The following PHACTR2 variants were observed in gnomAD, a reference collection of about 807,000 sequenced individuals.
PHACTR2 encodes the protein chromosome 6 open reading frame 56.
A neutral mutation model predicts 76.0 loss-of-function variants in PHACTR2; 30 were observed. The ratio of observed to expected loss-of-function variants is 0.39; its 90% CI spans 0.30 to 0.54. The LOEUF (loss-of-function observed/expected upper bound fraction) is 0.54, where lower values mean the gene tolerates loss of function less well. PHACTR2 is among the 20% of genes least tolerant of loss of function. PHACTR2 has a pLI of 0.61. For synonymous variants in PHACTR2, 292 were observed against 292.5 expected (o/e 1.00, Z 0.02); for missense variants, 696 against 781.1 (o/e 0.89, Z 1.30).
chr6:143,716,901 T>C (rs551933605), intron 2 of PHACTR2, among the ~76,000 whole-genome samples: 12 of 150,812 alleles, frequency 8.0e-5, no homozygotes, highest in African/African-American at 2.7e-4. Flanking sequence ...TCTGGGGACA[T>C]AGGTGGGCAG....
At position 143,825,123 on chromosome 6, in the gene PHACTR2, T is replaced by G. The variant is rs1315250425; in HGVS notation, c.*1434T>G. The G allele has an allele frequency of 6.6e-6, 1 of 152,654 alleles. No homozygotes were observed. The highest frequency in any genetic ancestry group is 2.4e-5 in the African/African-American group (1 of 41,472). The allele number at this position is 152,654 out of a possible 1,614,324, so 9.5% of individuals were successfully genotyped here. ...CTTGCATTTCATTGTTCTTCACAAG[T>G]GCTTTGTGCCCCTTTAATTAAAAAC... On this transcript the variant is annotated 3_prime_UTR_variant, in exon 13 of 13. Transcript: ENST00000440869. The surrounding 1 kb of genome is among the most constrained non-coding windows in gnomAD (Gnocchi z 4.1).
rs1308985046 is a variant in PHACTR2, at chr6:143,738,126, T to G, written c.215-10859T>G. 6.6e-6 allele frequency among the ~76,000 whole-genome samples: 1 copy of G among 152,126 alleles called. No homozygotes were observed. The highest frequency in any genetic ancestry group is 1.5e-5 in the Non-Finnish European group (1 of 68,026). On this transcript the variant is annotated intron_variant, in intron 2 of 12. Coordinates refer to ENST00000440869, the MANE Select transcript of PHACTR2 (RefSeq NM_001100164.2). This position sits in a 1 kb window ranked among gnomAD's most constrained non-coding sequence, Gnocchi z 4.0. ...AAATAGGCTTTTAAAGATTATACAT[T>G]TTTGGCCAGGCGCTGTGGCCCACGC... is the stretch of plus-strand genomic sequence containing the variant.
Position 143,627,400 on chromosome 6 carries a change from T to C in PHACTR2, c.13+19078T>C, listed in dbSNP as rs538736818. On this transcript the variant is annotated intron_variant, in intron 1 of 11. Coordinates refer to the PHACTR2 transcript ENST00000305766. This position sits in a 1 kb window ranked among gnomAD's most constrained non-coding sequence, Gnocchi z 4.3. ...TGTGGAACACAGATATTTTATACCA[T>C]TTAATTTCATAAATATTTATTGAGT... is the stretch of plus-strand genomic sequence containing the variant. Among the ~76,000 whole-genome samples the C allele has an allele frequency of 6.6e-6, 1 of 152,246 alleles. No individual in the cohort carries two copies.
At position 143,722,112 on chromosome 6, in the gene PHACTR2, C is replaced by T. The variant is rs1354207620; in HGVS notation, c.214+9929C>T. Among the ~76,000 whole-genome samples the T allele has an allele frequency of 6.6e-6, 1 of 152,186 alleles. No homozygotes were observed. The highest frequency in any genetic ancestry group is 2.4e-5 in the African/African-American group (1 of 41,440). The stretch of plus-strand genomic sequence containing the variant: ...AAATGTCTAGGGAGCTGGAAGTTCC[C>T]ATGAAAACTCTCTATCACTTTTCTG... On this transcript the variant is annotated intron_variant, in intron 2 of 12. Transcript: ENST00000440869. This position sits in a 1 kb window ranked among gnomAD's most constrained non-coding sequence, Gnocchi z 4.1.
intron 4 of PHACTR2, among the ~76,000 whole-genome samples, chr6:143,756,640 A>C (rs967799981): frequency 6.6e-6 from 1 of 150,750 alleles, no homozygotes; most frequent in Non-Finnish European, 1.5e-5. Flanking sequence ...CGGAGCTTGC[A>C]GTGAGCCGAG....
chr6:143,672,967 C>T (rs1777182305), upstream of PHACTR2, among the ~76,000 whole-genome samples: 1 of 152,056 alleles, frequency 6.6e-6, no homozygotes, highest in African/African-American at 2.4e-5. The surrounding 1 kb of genome is among the most constrained non-coding windows in gnomAD (Gnocchi z 5.8). Context: ...TCAGGTGATC[C>T]GCCCACCTCG....
In PHACTR2 at chr6:143,664,543, G is replaced by A. The variant is rs1272115568; in HGVS notation, c.14-47473G>A. On this transcript the variant is annotated intron_variant, in intron 1 of 11. Transcript: ENST00000305766. This position sits in a 1 kb window ranked among gnomAD's most constrained non-coding sequence, Gnocchi z 5.1. ...TCCCCTTCTTTTGTTTAGTGATTTG[G>A]AAGCTTATAGTTATATCTTTCTTAC... 2.0e-5 allele frequency among the ~76,000 whole-genome samples: 3 copies of A among 151,922 alleles called. No individual in the cohort carries two copies. The highest frequency in any genetic ancestry group is 4.4e-5 in the Non-Finnish European group (3 of 67,992).
rs148394529 is a variant in PHACTR2, at chr6:143,549,153, T to A, written c.217+11946T>A. 5.5e-4 allele frequency among the ~76,000 whole-genome samples: 83 copies of A among 152,096 alleles called. No homozygotes were observed. Among genetic ancestry groups the A allele is most frequent in the African/African-American group, 1.9e-3 (79 of 41,532 alleles). ...CAGAGCTGTCTGGGCCCCTTTGGTTTCCATTCAAGGCAGCCCTCAGTGGTC... is the reference window on the plus strand; with the variant it reads ...CAGAGCTGTCTGGGCCCCTTTGGTTACCATTCAAGGCAGCCCTCAGTGGTC... On this transcript the variant is annotated intron_variant, in intron 1 of 11. Coordinates refer to the PHACTR2 transcript ENST00000367584. The surrounding 1 kb of genome is among the most constrained non-coding windows in gnomAD (Gnocchi z 4.2).
chr6:143,783,256 A>G lies in PHACTR2; in HGVS notation c.1683A>G (p.Glu561=). ...AAGAGGAACAAGAAGCAAAAATGGAACTTAAACGCAGACTCAGCAGAAAGG... is the reference window on the plus strand; with the variant it reads ...AAGAGGAACAAGAAGCAAAAATGGAGCTTAAACGCAGACTCAGCAGAAAGG... ...NEEEEQEAKM[E]LKRRLSRKLS... Residue 561 remains glutamate, a synonymous_variant, in exon 10 of 13, where the codon GAA becomes GAG. Coordinates refer to ENST00000440869, the MANE Select transcript of PHACTR2 (RefSeq NM_001100164.2). The surrounding 1 kb of genome is among the most constrained non-coding windows in gnomAD (Gnocchi z 5.2). 1 of 1,609,156 alleles carries G rather than the reference A, an allele frequency of 6.2e-7. No homozygotes were observed. Among genetic ancestry groups the G allele is most frequent in the South Asian group, 1.1e-5 (1 of 90,858 alleles).
intron 1 of PHACTR2, among the ~76,000 whole-genome samples, chr6:143,690,991 A>G (rs1305925291): frequency 1.3e-5 from 2 of 152,192 alleles, no homozygotes; most frequent in Admixed American, 6.5e-5. Context: ...GATATTTCAC[A>G]AAAGTGCCCA....
intron 1 of PHACTR2, among the ~76,000 whole-genome samples, chr6:143,576,789 T>C (rs1775518043): frequency 6.9e-6 from 1 of 144,782 alleles, no homozygotes; most frequent in Admixed American, 7.5e-5. Context: ...AGCATGAGAA[T>C]CACTTGAACC....
rs189245785 is a variant in PHACTR2 at position 143,770,149 on chromosome 6, T to C, written c.1233-2109T>C. On this transcript the variant is annotated intron_variant, in intron 6 of 12. Transcript: ENST00000440869. ...AACAAAATGTGTTATATACATAGAG[T>C]GGAATATCATTCAGCCTTAAAAAGG... 3.8e-3 allele frequency among the ~76,000 whole-genome samples: 578 copies of C among 152,196 alleles called. 4 individuals carry two copies. The highest frequency in any genetic ancestry group is 4.0e-3 in the Non-Finnish European group (269 of 67,978).
rs1337482006 is a variant in PHACTR2, at chr6:143,800,752, T to C, written c.1846-6305T>C. Among the ~76,000 whole-genome samples, 1 of 152,202 alleles carries C rather than the reference T, an allele frequency of 6.6e-6. No homozygotes were observed. Among genetic ancestry groups the C allele is most frequent in the Non-Finnish European group, 1.5e-5 (1 of 68,040 alleles). On this transcript the variant is annotated intron_variant, in intron 11 of 12. Transcript: ENST00000440869. This position sits in a 1 kb window ranked among gnomAD's most constrained non-coding sequence, Gnocchi z 4.8. ...ATCCTGTCATTATGATGTTAGCTGG[T>C]TATTTTGCCCGTTAGTTGATGCAGT... is the stretch of plus-strand genomic sequence containing the variant.
At chr6:143,759,594 A>C (rs1779385731) in intron 4 of PHACTR2, among the ~76,000 whole-genome samples, 1 of 149,384 alleles carries the variant, frequency 6.7e-6, no homozygotes, top group Non-Finnish European at 1.5e-5. Context: ...ATACCACTGC[A>C]CTCTAGCCTG....
At chr6:143,586,905 G>C (rs980824225) in intron 1 of PHACTR2, among the ~76,000 whole-genome samples, 6 of 152,158 alleles carry the variant, frequency 3.9e-5, no homozygotes, top group Non-Finnish European at 5.9e-5. Flanking sequence ...ACCTCATTAT[G>C]TTGTCCAAAG....
chr6:143,547,950 A>AATCT lies in PHACTR2; in HGVS notation c.217+10752_217+10755dup, dbSNP rs762205968. Among the ~76,000 whole-genome samples, 4 of 152,080 alleles carry AATCT rather than the reference A, an allele frequency of 2.6e-5. No individual in the cohort carries two copies. The highest frequency in any genetic ancestry group is 1.3e-4 in the Admixed American group (2 of 15,276). ...ATCCATTCATCATCCATCATCTATTAATCTATCTATCTTCATCATCATCAT... is the reference window on the plus strand; with the variant it reads ...ATCCATTCATCATCCATCATCTATTAATCTATCTATCTATCTTCATCATCATCAT... On this transcript the variant is annotated intron_variant, in intron 1 of 11. Coordinates refer to the PHACTR2 transcript ENST00000367584. This position sits in a 1 kb window ranked among gnomAD's most constrained non-coding sequence, Gnocchi z 4.2.
chr6:143,778,972 G>A (rs1775351244), intron 9 of PHACTR2, among the ~76,000 whole-genome samples: 1 of 152,182 alleles, frequency 6.6e-6, no homozygotes, highest in Non-Finnish European at 1.5e-5. Flanking sequence ...TTGGGAAAGA[G>A]TGAGACACTT....
intron 2 of PHACTR2, among the ~76,000 whole-genome samples, chr6:143,718,760 G>A (rs1778360662): frequency 6.6e-6 from 1 of 151,924 alleles, no homozygotes; most frequent in Admixed American, 6.6e-5. Flanking sequence ...GTAGGGCGAA[G>A]TTAAAGGATT....
intron 5 of PHACTR2, among the ~76,000 whole-genome samples, chr6:143,762,848 A>G (rs1378894418): frequency 6.6e-6 from 1 of 152,230 alleles, no homozygotes; most frequent in Admixed American, 6.5e-5. Flanking sequence ...ATTATTAACA[A>G]CAAAAGTACT....
Sources: allele counts gnomAD v4.1 joint callset (sites outside exome capture counted in the v4.1 genomes callset), GRCh38; gene constraint gnomAD v4.1.1; non-coding constraint Gnocchi (gnomAD v3.1); transcripts MANE v1.5; gene names NCBI Gene and HGNC (gene_info 2026-07-23, HGNC 2026-07-21).